The following ANO3 variants were observed in gnomAD, a reference collection of about 807,000 sequenced individuals.
ANO3 encodes the protein anoctamin 3.
In ANO3, 99 loss-of-function variants were observed where a neutral mutation model predicts 144.8. The ratio of observed to expected loss-of-function variants is 0.68; its 90% CI spans 0.58 to 0.81. The LOEUF (loss-of-function observed/expected upper bound fraction) is 0.81. ANO3 is among the 30% of genes least tolerant of loss of function. The pLI, the probability that ANO3 is intolerant of heterozygous loss-of-function variation, is 0.00. For synonymous variants in ANO3, 414 were observed against 392.6 expected, an observed-to-expected ratio of 1.05 and a Z score of -0.64; for missense variants, 905 against 1,202.2, an observed-to-expected ratio of 0.75 and a Z score of 3.66.
intron 1 of ANO3, among the ~76,000 whole-genome samples, chr11:26,408,989 T>A (rs1857363622): frequency 6.8e-6 from 1 of 146,356 alleles, no homozygotes; most frequent in Admixed American, 6.9e-5. Context: ...GTGGGGGGAG[T>A]GGGGAGGGCT....
chr11:26,407,212 T>C (rs1305876012), intron 1 of ANO3, among the ~76,000 whole-genome samples: 3 of 151,294 alleles, frequency 2.0e-5, no homozygotes, highest in Non-Finnish European at 4.4e-5. Flanking sequence ...GTTAGTCTTC[T>C]GAATATGTAA....
rs539367249 is a variant in ANO3 at position 26,410,705 on chromosome 11, T to G, written c.47-31213T>G. Among the ~76,000 whole-genome samples the G allele has an allele frequency of 2.0e-3, 298 of 152,068 alleles. 3 individuals are homozygous for G. Among genetic ancestry groups the G allele is most frequent in the Non-Finnish European group, 9.4e-4 (64 of 67,948 alleles). ...CTGGAGGGCAGAACAAAGACTAGTG[T>G]GGGGAACCTTAAGAAGGCAGATTTC... On this transcript the variant is annotated intron_variant, in intron 1 of 26. Transcript: ENST00000256737.
chr11:26,640,241 C>T (rs768302350), intron 21 of ANO3, among the ~76,000 whole-genome samples: 77 of 152,088 alleles, frequency 5.1e-4, no homozygotes, highest in African/African-American at 8.2e-4. Context: ...CTTTTTTAGT[C>T]CATTTATAAA....
intron 1 of ANO3, among the ~76,000 whole-genome samples, chr11:26,415,190 C>T (rs910185552): frequency 2.0e-5 from 3 of 151,880 alleles, no homozygotes; most frequent in Non-Finnish European, 2.9e-5. Flanking sequence ...CCTAAGGCCA[C>T]TGTGTTGTTG....
chr11:26,569,081 C>T (rs1188302822), intron 14 of ANO3, among the ~76,000 whole-genome samples: 2 of 151,062 alleles, frequency 1.3e-5, no homozygotes, highest in African/African-American at 4.9e-5. Context: ...ATTGAGCTTT[C>T]ATTACCTGCC....
chr11:26,499,460 T>C (rs1861101122), intron 4 of ANO3, among the ~76,000 whole-genome samples: 1 of 151,630 alleles, frequency 6.6e-6, no homozygotes, highest in Non-Finnish European at 1.5e-5. Flanking sequence ...AATCCTTTCA[T>C]TTTGTTTTCT....
intron 1 of ANO3, among the ~76,000 whole-genome samples, chr11:26,270,100 T>C (rs1853408473): frequency 6.6e-6 from 1 of 152,186 alleles, no homozygotes; most frequent in African/African-American, 2.4e-5. Context: ...AGTTCAAGTA[T>C]ATTGTAAATA....
chr11:26,595,108 A>G (rs1851571237), intron 14 of ANO3, among the ~76,000 whole-genome samples: 1 of 152,210 alleles, frequency 6.6e-6, no homozygotes, highest in Non-Finnish European at 1.5e-5. Context: ...CTTTAGTCCT[A>G]GAGCGTCCTC....
At chr11:26,242,513 G>A (rs763261984) in intron 1 of ANO3, among the ~76,000 whole-genome samples, 3 of 151,956 alleles carry the variant, frequency 2.0e-5, no homozygotes, top group East Asian at 3.9e-4. Context: ...ATTCATCTCC[G>A]TGGTACTCAT....
chr11:26,537,854 C>A (rs1206149177), intron 10 of ANO3, among the ~76,000 whole-genome samples: 1 of 152,178 alleles, frequency 6.6e-6, no homozygotes, highest in African/African-American at 2.4e-5. Flanking sequence ...TAGCCAATTA[C>A]CTCCTCAATT....
At chr11:26,326,650 T>C (rs1854891413) in intron 1 of ANO3, among the ~76,000 whole-genome samples, 1 of 152,208 alleles carries the variant, frequency 6.6e-6, no homozygotes. Flanking sequence ...GGGGGTCAAG[T>C]ATATATTATC....
At chr11:26,209,633 C>A (rs955896705) in intron 1 of ANO3, among the ~76,000 whole-genome samples, 50 of 152,322 alleles carry the variant, frequency 3.3e-4, no homozygotes, top group African/African-American at 1.2e-3. Context: ...GTTCCTATTT[C>A]TCATCTTCTC....
rs1257958333 is a variant in ANO3 at position 26,443,750 on chromosome 11, CTTATT to C, written c.242-8_242-4del. On this transcript the variant is annotated splice_polypyrimidine_tract_variant and intron_variant, in intron 2 of 26. Coordinates refer to ENST00000256737, the MANE Select transcript of ANO3 (RefSeq NM_031418.4). Reference sequence around the variant, plus strand: ...TTTATTTCCCAAAACTACAAAGTATCTTATTTTATTTCAGTTAATACTGAGGAGAA... The same window carrying C: ...TTTATTTCCCAAAACTACAAAGTATCTTATTTCAGTTAATACTGAGGAGAA... 4 of 1,026,610 alleles carry C rather than the reference CTTATT, an allele frequency of 3.9e-6. No individual in the cohort carries two copies. Among genetic ancestry groups the C allele is most frequent in the East Asian group, 8.9e-5 (2 of 22,540 alleles). The allele number at this position is 1,026,610 out of a possible 1,614,324, so 63.6% of individuals were successfully genotyped here. A position where few individuals can be genotyped will look rare whatever the true frequency, so the allele number is the denominator to read the frequency against.
intron 3 of ANO3, among the ~76,000 whole-genome samples, chr11:26,452,239 CTT>C (rs1168122719): frequency 1.3e-5 from 2 of 152,228 alleles, no homozygotes; most frequent in Non-Finnish European, 1.5e-5. Context: ...CGGAGAATGA[CTT>C]TGACGAGCTG....
At chr11:26,198,571 G>T (rs1339100632) in intron 1 of ANO3, among the ~76,000 whole-genome samples, 1 of 152,134 alleles carries the variant, frequency 6.6e-6, no homozygotes, top group African/African-American at 2.4e-5. Context: ...GGGCATTCCT[G>T]GAGAATGAAA....
intron 13 of ANO3, among the ~76,000 whole-genome samples, chr11:26,555,631 A>T (rs1190147239): frequency 6.6e-6 from 1 of 152,216 alleles, no homozygotes; most frequent in South Asian, 2.1e-4. Context: ...ATGGAAGAAT[A>T]CAAGAAATAC....
chr11:26,523,998 G>GA (rs921268158), intron 6 of ANO3, among the ~76,000 whole-genome samples: 5 of 151,544 alleles, frequency 3.3e-5, no homozygotes, highest in African/African-American at 9.7e-5. Flanking sequence ...TAGCTTTTTT[G>GA]AAAAAAATAC....
intron 1 of ANO3, among the ~76,000 whole-genome samples, chr11:26,272,443 T>C (rs539618326): frequency 1.3e-5 from 2 of 152,278 alleles, no homozygotes; most frequent in South Asian, 4.1e-4. Flanking sequence ...TTTTTAAACT[T>C]GTAAGTGCAG....
chr11:26,632,846 T>G, intron 18 of ANO3, among the ~76,000 whole-genome samples: 1 of 152,140 alleles, frequency 6.6e-6, no homozygotes, highest in Non-Finnish European at 1.5e-5. Flanking sequence ...TACCTAAAAA[T>G]CTACATCCTC....
Sources: allele counts gnomAD v4.1 joint callset (sites outside exome capture counted in the v4.1 genomes callset), GRCh38; gene constraint gnomAD v4.1.1; transcripts MANE v1.5; gene names NCBI Gene and HGNC (gene_info 2026-07-23, HGNC 2026-07-21).